CPSF6: variants seen among roughly 807,000 people sequenced by gnomAD.
CPSF6 encodes the protein cleavage and polyadenylation specificity factor subunit 6.
In CPSF6, 10 loss-of-function variants were observed where a neutral mutation model predicts 56.7. The observed-to-expected ratio is 0.18, with a 90% CI of 0.11 to 0.30. The LOEUF is 0.30. Ranked by LOEUF, CPSF6 falls within the 10% of genes least tolerant of loss-of-function variation. The pLI, the probability that CPSF6 is intolerant of heterozygous loss-of-function variation, is 1.00. For missense variants in CPSF6, 419 were observed against 722.9 expected, an observed-to-expected ratio of 0.58 and a Z score of 4.82; for synonymous variants, 248 against 244.8, an observed-to-expected ratio of 1.01 and a Z score of -0.12.
rs115315155 is a variant in CPSF6 at position 69,269,567 on chromosome 12, C to T, written c.*59C>T. On this transcript the variant is annotated 3_prime_UTR_variant, in exon 10 of 10. Transcript: ENST00000435070. Reference sequence around the variant, plus strand: ...AACAGTCTTCATGGGGGAAAAATGACGCTTGTCCAGCAGTTTGCTTCTTGT... The same window carrying T: ...AACAGTCTTCATGGGGGAAAAATGATGCTTGTCCAGCAGTTTGCTTCTTGT... 8.5e-4 allele frequency: 381 copies of T among 448,952 alleles called. No individual in the cohort carries two copies. The highest frequency in any genetic ancestry group is 5.6e-3 in the African/African-American group (279 of 49,814). The allele number at this position is 448,952 out of a possible 1,614,324, so 27.8% of individuals were successfully genotyped here.
Position 69,258,554 on chromosome 12 carries a change from G to A in CPSF6, c.695-36G>A, listed in dbSNP as rs747206154. The A allele has an allele frequency of 6.4e-6, 9 of 1,416,428 alleles. No homozygotes were observed. Among genetic ancestry groups the A allele is most frequent in the Non-Finnish European group, 8.3e-6 (9 of 1,084,416 alleles). The allele number at this position is 1,416,428 out of a possible 1,614,324, so 87.7% of individuals were successfully genotyped here. ...AAAGTTAAAATATCTTATTAGTGAA[G>A]TGTTTTTTTTTCTCTCTTTCTCCTT... On this transcript the variant is annotated intron_variant, in intron 5 of 9. Coordinates refer to ENST00000435070, the MANE Select transcript of CPSF6 (RefSeq NM_007007.3). The surrounding 1 kb of genome is among the most constrained non-coding windows in gnomAD (Gnocchi z 4.2).
intron 1 of CPSF6, among the ~76,000 whole-genome samples, chr12:69,245,647 T>C (rs1250026878): frequency 2.6e-5 from 4 of 152,124 alleles, no homozygotes; most frequent in African/African-American, 9.7e-5. Context: ...TCTGTGAACT[T>C]TAGGGAAACT....
intron 3 of CPSF6, among the ~76,000 whole-genome samples, chr12:69,253,825 T>C (rs1433535060): frequency 1.3e-5 from 2 of 152,174 alleles, no homozygotes; most frequent in African/African-American, 4.8e-5. Context: ...TTTCTTATTT[T>C]TGGTTATCGT....
In CPSF6 at chr12:69,249,029, G is replaced by A. The variant is rs913959007; in HGVS notation, c.61-2100G>A. The stretch of plus-strand genomic sequence containing the variant: ...TGGGAGGCCGAGGCGGGCGGATCAC[G>A]AGGTCAGGAGATCAAGACCATCCTG... On this transcript the variant is annotated intron_variant, in intron 1 of 9. Transcript: ENST00000435070. Among the ~76,000 whole-genome samples, 5 of 151,460 alleles carry A rather than the reference G, an allele frequency of 3.3e-5. No individual in the cohort carries two copies. The South Asian group carries it at 6.3e-4, about 19-fold the overall frequency.
In CPSF6 at chr12:69,270,098, C is replaced by T. The variant is rs1421416165; in HGVS notation, c.*590C>T. 6.6e-6 allele frequency: 1 copy of T among 152,154 alleles called. No individual in the cohort carries two copies. Among genetic ancestry groups the T allele is most frequent in the African/African-American group, 2.4e-5 (1 of 41,392 alleles). 9.4% of individuals were successfully genotyped at this position (152,154 alleles called of 1,614,324 possible). A position where few individuals can be genotyped will look rare whatever the true frequency, so the allele number is the denominator to read the frequency against. On this transcript the variant is annotated 3_prime_UTR_variant, in exon 10 of 10. Coordinates refer to ENST00000435070, the MANE Select transcript of CPSF6 (RefSeq NM_007007.3). ...ATATGCCTCAATCTAATCTTGCGTT[C>T]AGTGAATTAAACATAGTAATTAAGT...
At chr12:69,266,759 CCT>C (rs764922772) in intron 9 of CPSF6, among the ~76,000 whole-genome samples, 9 of 152,166 alleles carry the variant, frequency 5.9e-5, no homozygotes, top group Non-Finnish European at 8.8e-5. Flanking sequence ...TGGGAACAAA[CCT>C]CATTTTTCTT....
intron 1 of CPSF6, among the ~76,000 whole-genome samples, chr12:69,250,152 A>G (rs966708977): frequency 2.0e-5 from 3 of 151,846 alleles, no homozygotes; most frequent in Non-Finnish European, 4.4e-5. Context: ...TCTTTCTTTT[A>G]TGGCTCAGCT....
Position 69,253,033 on chromosome 12 carries a change from G to A in CPSF6, c.271-18G>A. On this transcript the variant is annotated intron_variant, in intron 2 of 9. Coordinates refer to ENST00000435070, the MANE Select transcript of CPSF6 (RefSeq NM_007007.3). ...TGGTTTTATTTTAATGGTTAATGAG[G>A]GGGAAAATATCTTGCAGTGGACAAC... 7.2e-7 allele frequency: 1 copy of A among 1,390,246 alleles called. No individual in the cohort carries two copies. The highest frequency in any genetic ancestry group is 1.4e-5 in the South Asian group (1 of 72,772). The allele number at this position is 1,390,246 out of a possible 1,614,324, so 86.1% of individuals were successfully genotyped here.
intron 9 of CPSF6, among the ~76,000 whole-genome samples, chr12:69,264,707 A>G (rs544112867): frequency 3.9e-5 from 6 of 152,274 alleles, no homozygotes; most frequent in Non-Finnish European, 8.8e-5. Flanking sequence ...ATCCTGGATT[A>G]TTGTACGTTT....
rs374988605 is a variant in CPSF6, at chr12:69,248,253, C to T, written c.61-2876C>T. On this transcript the variant is annotated intron_variant, in intron 1 of 9. Transcript: ENST00000435070. ...TAGAAGAAAACAAAGAATCTGTTCACCTATTTATGTAAGTGAAAGTGTAAA... is the reference window on the plus strand; with the variant it reads ...TAGAAGAAAACAAAGAATCTGTTCATCTATTTATGTAAGTGAAAGTGTAAA... 9.2e-4 allele frequency among the ~76,000 whole-genome samples: 140 copies of T among 152,154 alleles called. 1 individual carries two copies. The highest frequency in any genetic ancestry group is 3.1e-3 in the African/African-American group (129 of 41,536).
intron 1 of CPSF6, among the ~76,000 whole-genome samples, chr12:69,249,331 T>TCTGGCTCTC (rs1376924716): frequency 7.9e-5 from 12 of 151,976 alleles, no homozygotes; most frequent in African/African-American, 2.9e-4. Flanking sequence ...AAGATCTTAT[T>TCTGGCTCTC]CTGGCTCTCC....
At chr12:69,242,298 A>AT (rs918603401) in intron 1 of CPSF6, among the ~76,000 whole-genome samples, 4 of 151,882 alleles carry the variant, frequency 2.6e-5, no homozygotes, top group African/African-American at 7.3e-5. Context: ...ATTTTCTACT[A>AT]TTTTTTGTCT....
At chr12:69,259,613 T>G (rs1203686675) in intron 7 of CPSF6, 70 bp downstream of exon 7, 4 of 1,280,272 alleles carry the variant, frequency 3.1e-6, no homozygotes, top group Admixed American at 2.4e-5. Flanking sequence ...GTAAGTACAA[T>G]CTAGAAGATA....
rs1873156661 is a variant in CPSF6 at position 69,269,783 on chromosome 12, TG to T, written c.*277del. The stretch of plus-strand genomic sequence containing the variant: ...AACTTTATTACTGGTTATATACATT[TG>T]GCCATTATGATGTGCAAGCAATTGG... On this transcript the variant is annotated 3_prime_UTR_variant, in exon 10 of 10. Transcript: ENST00000435070. 5.4e-6 allele frequency: 1 copy of T among 185,856 alleles called. No individual in the cohort carries two copies. 11.5% of individuals were successfully genotyped at this position (185,856 alleles called of 1,614,324 possible).
Position 69,239,592 on chromosome 12 carries a change from G to A in CPSF6, c.-55G>A. 4.0e-6 allele frequency: 6 copies of A among 1,517,310 alleles called. No individual in the cohort carries two copies. The highest frequency in any genetic ancestry group is 5.3e-6 in the Non-Finnish European group (6 of 1,134,052). The allele number at this position is 1,517,310 out of a possible 1,614,324, so 94.0% of individuals were successfully genotyped here. A position where few individuals can be genotyped will look rare whatever the true frequency, so the allele number is the denominator to read the frequency against. On this transcript the variant is annotated 5_prime_UTR_variant, in exon 1 of 10. Coordinates refer to ENST00000435070, the MANE Select transcript of CPSF6 (RefSeq NM_007007.3). Reference sequence around the variant, plus strand: ...CCGCTAGATCCGCTGCTGCTGCCGCGGCGGGCAGACCTGCAGGAGGCGGCG... The same window carrying A: ...CCGCTAGATCCGCTGCTGCTGCCGCAGCGGGCAGACCTGCAGGAGGCGGCG...
intron 3 of CPSF6, among the ~76,000 whole-genome samples, chr12:69,255,838 C>T (rs59880437): frequency 0.046 from 6,986 of 152,248 alleles, 478 homozygotes; most frequent in African/African-American, 0.14. Flanking sequence ...CACCCGGCCT[C>T]TCCACATCTT....
intron 3 of CPSF6, among the ~76,000 whole-genome samples, chr12:69,256,198 A>G (rs893081773): frequency 6.6e-6 from 1 of 152,162 alleles, no homozygotes; most frequent in Non-Finnish European, 1.5e-5. Flanking sequence ...AATTAGGTTT[A>G]GTGGTTCCAT....
intron 1 of CPSF6, among the ~76,000 whole-genome samples, chr12:69,245,458 T>G (rs1026331): frequency 0.55 from 83,643 of 152,022 alleles, 23,277 homozygotes; most frequent in East Asian, 0.73. Flanking sequence ...CATAGTATAT[T>G]TAGGGTTCCT....
rs1469232511 is a variant in CPSF6, at chr12:69,256,820, A to G, written c.498A>G (p.Gln166=). ...CATGCAATAAACAGTTCCTGAGTCA[A>G]TTTGAAATGCAGTCCAGGAAAAGTA... ...VTPCNKQFLS[Q]FEMQSRKTTQ... The change falls in exon 4 of 10, where the codon CAA becomes CAG. Residue 166 remains glutamine, a synonymous_variant. Transcript: ENST00000435070. 4 of 1,609,690 alleles carry G rather than the reference A, an allele frequency of 2.5e-6. No individual in the cohort carries two copies. The highest frequency in any genetic ancestry group is 3.4e-6 in the Non-Finnish European group (4 of 1,178,804).
Sources: gnomAD v4.1 joint callset for allele counts (sites outside exome capture counted in the v4.1 genomes callset) on GRCh38, gnomAD v4.1.1 for gene constraint, Gnocchi (gnomAD v3.1) non-coding constraint, MANE v1.5 for transcripts, NCBI Gene and HGNC (gene_info 2026-07-23, HGNC 2026-07-21) for gene names.